TRAM1: variants seen among roughly 807,000 people sequenced by gnomAD.
TRAM1 encodes translocating chain-associated membrane protein 1.
A neutral mutation model predicts 48.7 loss-of-function variants in TRAM1; 17 were observed. The ratio of observed to expected loss-of-function variants is 0.35; its 90% CI spans 0.24 to 0.52. TRAM1 has a LOEUF of 0.52. Ranked by LOEUF, TRAM1 falls within the 20% of genes least tolerant of loss-of-function variation. TRAM1 has a pLI of 0.94. For synonymous variants in TRAM1, 182 were observed against 154.0 expected (o/e 1.18, Z -1.34); for missense variants, 351 against 441.5 (o/e 0.79, Z 1.84).
At chr8:70,594,856 A>C (rs893000059) in intron 5 of TRAM1, among the ~76,000 whole-genome samples, 1 of 152,192 alleles carries the variant, frequency 6.6e-6, no homozygotes, top group African/African-American at 2.4e-5. Context: ...AGTTGGGAGG[A>C]GTCAGAGCCC....
intron 10 of TRAM1, among the ~76,000 whole-genome samples, chr8:70,579,148 T>C (rs149143219): frequency 1.3e-5 from 2 of 152,350 alleles, no homozygotes; most frequent in East Asian, 3.9e-4. Context: ...ATTTCATCAT[T>C]GTATGAACAT....
At chr8:70,589,807 T>C (rs1173841264) in intron 6 of TRAM1, among the ~76,000 whole-genome samples, 1 of 152,120 alleles carries the variant, frequency 6.6e-6, no homozygotes, top group African/African-American at 2.4e-5. Context: ...TTGTGGCCAC[T>C]GCACTCCAGC....
At chr8:70,603,888 A>G (rs1036080117) in intron 1 of TRAM1, among the ~76,000 whole-genome samples, 2 of 152,192 alleles carry the variant, frequency 1.3e-5, no homozygotes, top group Non-Finnish European at 2.9e-5. Context: ...AAGAGGAAAA[A>G]TGTAAACTAC....
chr8:70,607,963 C>T (rs1817787370), intron 1 of TRAM1, 114 bp downstream of exon 1: 1 of 1,342,960 alleles, frequency 7.4e-7, no homozygotes, highest in Non-Finnish European at 9.7e-7. Context: ...GGTCTGCACC[C>T]ACCCCGGGCC....
At chr8:70,589,271 C>T (rs938689172) in intron 6 of TRAM1, among the ~76,000 whole-genome samples, 1 of 152,138 alleles carries the variant, frequency 6.6e-6, no homozygotes, top group Admixed American at 6.5e-5. Flanking sequence ...TCTTAAGATC[C>T]TCTCTACATA....
At position 70,601,399 on chromosome 8, in the gene TRAM1, C is replaced by A. The variant is rs539660682; in HGVS notation, c.124-1317G>T. Among the ~76,000 whole-genome samples the A allele has an allele frequency of 7.3e-4, 111 of 152,330 alleles. 1 individual carries two copies. The highest frequency in any genetic ancestry group is 6.2e-3 in the South Asian group (30 of 4,830). On this transcript the variant is annotated intron_variant, in intron 1 of 10. Coordinates refer to ENST00000262213, the MANE Select transcript of TRAM1 (RefSeq NM_014294.6). ...GCATTACACCTTTTCAAGGAAGTCT[C>A]CCTGTCTTCCTAGAGTAGGTCATTT...
rs539185209 is a variant in TRAM1, at chr8:70,607,985, C to G, written c.123+92G>C. On this transcript the variant is annotated intron_variant, in intron 1 of 10. Coordinates refer to ENST00000262213, the MANE Select transcript of TRAM1 (RefSeq NM_014294.6). ...ACCCACCCCGGGCCCGAGCCCCCCG[C>G]GTCCTGGGCGGAGAAGCCGGGGCTG... 1.4e-6 allele frequency: 2 copies of G among 1,419,378 alleles called. 1 individual carries two copies. Among genetic ancestry groups the G allele is most frequent in the South Asian group, 2.9e-5 (2 of 69,572 alleles). 87.9% of individuals were successfully genotyped at this position (1,419,378 alleles called of 1,614,324 possible).
Position 70,608,389 on chromosome 8 carries a change from A to ACAGCTACACAC in TRAM1, c.-191_-190insGTGTGTAGCTG. On this transcript the variant is annotated 5_prime_UTR_variant, in exon 1 of 11. Transcript: ENST00000262213. ...CGCCCGGGGGAAAAAAAAAAACACAACAGCTAGCCCGCAGCGGGGGCGAGC... is the reference window on the plus strand; with the variant it reads ...CGCCCGGGGGAAAAAAAAAAACACAACAGCTACACACCAGCTAGCCCGCAGCGGGGGCGAGC... 1 of 382,824 alleles carries ACAGCTACACAC rather than the reference A, an allele frequency of 2.6e-6. No individual in the cohort carries two copies. Among genetic ancestry groups the ACAGCTACACAC allele is most frequent in the Non-Finnish European group, 4.3e-6 (1 of 231,142 alleles). The allele number at this position is 382,824 out of a possible 1,614,324, so 23.7% of individuals were successfully genotyped here.
intron 9 of TRAM1, 50 bp from the exon 10 acceptor site, chr8:70,583,374 T>A: frequency 6.4e-7 from 1 of 1,555,054 alleles, no homozygotes. Context: ...ACAATGCCAC[T>A]GAATACATTC....
chr8:70,608,361 G>C lies in TRAM1; in HGVS notation c.-162C>G. 2.7e-6 allele frequency: 2 copies of C among 728,696 alleles called. No individual in the cohort carries two copies. Among genetic ancestry groups the C allele is most frequent in the South Asian group, 2.6e-5 (1 of 37,984 alleles). The allele number at this position is 728,696 out of a possible 1,614,324, so 45.1% of individuals were successfully genotyped here. On this transcript the variant is annotated 5_prime_UTR_variant, in exon 1 of 11. Coordinates refer to ENST00000262213, the MANE Select transcript of TRAM1 (RefSeq NM_014294.6). ...TCCCACAGCCAGTACGCAGCCGCCGGGCCGCCCGGGGGAAAAAAAAAAACA... is the reference window on the plus strand; with the variant it reads ...TCCCACAGCCAGTACGCAGCCGCCGCGCCGCCCGGGGGAAAAAAAAAAACA...
At chr8:70,600,220 A>T in intron 1 of TRAM1, 138 bp from the exon 2 acceptor site, 1 of 639,572 alleles carries the variant, frequency 1.6e-6, no homozygotes, top group South Asian at 2.0e-5. Context: ...CCTGACAGAC[A>T]CAATGGAAAT....
rs1189381448 is a variant in TRAM1 at position 70,587,157 on chromosome 8, A to C, written c.590T>G (p.Leu197Arg). Residue 197 changes from leucine to arginine, a missense_variant, in exon 7 of 11, where the codon CTT (leucine) becomes CGT (arginine). Transcript: ENST00000262213. ...KTKKEDIPRQ[L>R]VYIGLYLFHI... ...GAAGAGGTAAAGACCAATGTAGACA[A>C]GCTGACGAGGAATATCTTCCTGTAA... 6.2e-7 allele frequency: 1 copy of C among 1,613,976 alleles called. No individual in the cohort carries two copies. The highest frequency in any genetic ancestry group is 1.1e-5 in the South Asian group (1 of 91,076).
chr8:70,584,136 C>A (rs1445617848), intron 8 of TRAM1, among the ~76,000 whole-genome samples: 1 of 152,134 alleles, frequency 6.6e-6, no homozygotes, highest in Non-Finnish European at 1.5e-5. Context: ...GGCTATATAT[C>A]ACACTCAGAG....
intron 6 of TRAM1, 63 bp downstream of exon 6, chr8:70,594,443 A>C: frequency 7.3e-7 from 1 of 1,367,086 alleles, no homozygotes; most frequent in Non-Finnish European, 1.0e-6. Flanking sequence ...ACTTAATTTT[A>C]GAAAAATTTT....
rs376720440 is a variant in TRAM1, at chr8:70,600,006, G to A, written c.187+13C>T. ...TCTATTTACGTAGAAAATTCTTAGC[G>A]TAAATTACCTACCTGTTGCTGGGAG... On this transcript the variant is annotated intron_variant, in intron 2 of 10. Coordinates refer to ENST00000262213, the MANE Select transcript of TRAM1 (RefSeq NM_014294.6). The A allele has an allele frequency of 3.7e-4, 594 of 1,609,772 alleles. No individual in the cohort carries two copies. The highest frequency in any genetic ancestry group is 1.1e-3 in the South Asian group (101 of 90,880).
Position 70,607,979 on chromosome 8 carries a change from C to G in TRAM1, c.123+98G>C, listed in dbSNP as rs991760069. ...GTCTGCACCCACCCCGGGCCCGAGCCCCCCGCGTCCTGGGCGGAGAAGCCG... is the reference window on the plus strand; with the variant it reads ...GTCTGCACCCACCCCGGGCCCGAGCGCCCCGCGTCCTGGGCGGAGAAGCCG... On this transcript the variant is annotated intron_variant, in intron 1 of 10. Transcript: ENST00000262213. The G allele has an allele frequency of 2.3e-5, 32 of 1,406,416 alleles. No homozygotes were observed. In the African/African-American group the frequency reaches 3.9e-4, roughly 17 times the overall value. The allele number at this position is 1,406,416 out of a possible 1,614,324, so 87.1% of individuals were successfully genotyped here. A position where few individuals can be genotyped will look rare whatever the true frequency, so the allele number is the denominator to read the frequency against.
chr8:70,577,555 A>G (rs1371897188), intron 10 of TRAM1, among the ~76,000 whole-genome samples: 2 of 151,808 alleles, frequency 1.3e-5, no homozygotes, highest in African/African-American at 2.4e-5. Context: ...CTCTCAATGA[A>G]CCTCCTCTCT....
At chr8:70,589,905 T>C (rs1332949487) in intron 6 of TRAM1, among the ~76,000 whole-genome samples, 1 of 152,150 alleles carries the variant, frequency 6.6e-6, no homozygotes, top group Non-Finnish European at 1.5e-5. Context: ...ACCTTAATAA[T>C]TAAAATGTCA....
intron 6 of TRAM1, among the ~76,000 whole-genome samples, chr8:70,588,782 A>G (rs1014445468): frequency 6.6e-6 from 1 of 152,226 alleles, no homozygotes; most frequent in Non-Finnish European, 1.5e-5. Context: ...CTGACTAATG[A>G]AACACCTATA....
Sources: gnomAD v4.1 joint callset for allele counts (sites outside exome capture counted in the v4.1 genomes callset) on GRCh38, gnomAD v4.1.1 for gene constraint, MANE v1.5 for transcripts, NCBI Gene and HGNC (gene_info 2026-07-23, HGNC 2026-07-21) for gene names.